Variants in PLCE1 observed in about 807,000 individuals in gnomAD.
PLCE1 encodes the protein phospholipase C epsilon 1.
A neutral mutation model predicts 242.8 loss-of-function variants in PLCE1; 119 were observed. The observed-to-expected ratio is 0.49, with a 90% CI of 0.42 to 0.57. PLCE1 has a LOEUF of 0.57. Among genes scored for constraint, PLCE1 ranks in the 20% least tolerant of loss-of-function variants. The pLI is 0.00. For synonymous variants in PLCE1, 945 were observed against 1,017.4 expected (o/e 0.93, Z 1.35); for missense variants, 2,441 against 2,788.8 (o/e 0.88, Z 2.81).
intron 3 of PLCE1, among the ~76,000 whole-genome samples, chr10:94,141,658 A>AGG (rs66961003): frequency 0.95 from 100,156 of 105,322 alleles, 48,375 homozygotes; most frequent in South Asian, 0.99. Flanking sequence ...GGAAAGAAGA[A>AGG]AGGGAGGGAG....
Position 94,252,416 on chromosome 10 carries a change from A to C in PLCE1, c.3197A>C (p.Lys1066Thr). ...ARNPSPGTSA[K>T]NAEKPNMQRN... is the part of the protein sequence containing the mutation. ...AACCCCAGCCCCGGAACATCAGCAAAGAATGCTGAGAAGCCCAATATGCAG... is the reference window on the plus strand; with the variant it reads ...AACCCCAGCCCCGGAACATCAGCAACGAATGCTGAGAAGCCCAATATGCAG... The change falls in exon 9 of 33, where the codon AAG becomes ACG. Residue 1066 changes from lysine to threonine, a missense_variant. By Grantham distance (78) the Lys-to-Thr change is moderately conservative (BLOSUM62 -1). Around this residue, in one of 5 missense-constraint regions of PLCE1, gnomAD observed 1,004 missense variants for 1,322.7 expected, o/e 0.76. Coordinates refer to ENST00000371380, the MANE Select transcript of PLCE1 (RefSeq NM_016341.4). The C allele has an allele frequency of 6.2e-7, 1 of 1,613,932 alleles. No individual in the cohort carries two copies. The highest frequency in any genetic ancestry group is 8.5e-7 in the Non-Finnish European group (1 of 1,179,810).
At chr10:94,153,391 C>T (rs1219323859) in intron 3 of PLCE1, among the ~76,000 whole-genome samples, 1 of 151,962 alleles carries the variant, frequency 6.6e-6, no homozygotes, top group African/African-American at 2.4e-5. Context: ...AAAAAACACT[C>T]AACAAAATAG....
chr10:94,189,217 C>T (rs962581177), intron 4 of PLCE1, among the ~76,000 whole-genome samples: 1 of 149,270 alleles, frequency 6.7e-6, no homozygotes, highest in South Asian at 2.1e-4. Flanking sequence ...CCAAAACACA[C>T]CACTCTTGAA....
rs554274423 is a variant in PLCE1 at position 93,994,670 on chromosome 10, G to T, written c.-365+412G>T. 5.4e-4 allele frequency among the ~76,000 whole-genome samples: 82 copies of T among 152,318 alleles called. No homozygotes were observed. The Middle Eastern group carries it at 0.017, about 32-fold the overall frequency. ...AAAATACAATATTGGACCAGGTCCC[G>T]CTCTAACTGATAACTAGAATAGCTA... On this transcript the variant is annotated intron_variant, in intron 1 of 32. Coordinates refer to ENST00000371380, the MANE Select transcript of PLCE1 (RefSeq NM_016341.4).
chr10:94,043,202 AACAG>A (rs1056266244), intron 2 of PLCE1, among the ~76,000 whole-genome samples: 1 of 152,148 alleles, frequency 6.6e-6, no homozygotes, highest in Non-Finnish European at 1.5e-5. Flanking sequence ...CTGGAGGAAA[AACAG>A]ACACAAAACT....
chr10:94,244,651 G>A (rs1029349128), intron 7 of PLCE1, among the ~76,000 whole-genome samples: 3 of 152,160 alleles, frequency 2.0e-5, no homozygotes, highest in Non-Finnish European at 4.4e-5. Flanking sequence ...GAACTGTTAT[G>A]CTTTTCTGGC....
intron 28 of PLCE1, among the ~76,000 whole-genome samples, chr10:94,314,584 ACT>A (rs58361235): frequency 0.034 from 5,095 of 152,072 alleles, 280 homozygotes; most frequent in African/African-American, 0.11. Context: ...ACAGAGTGAG[ACT>A]CTGTCTCAAA....
chr10:94,235,627 G>T, intron 6 of PLCE1: 1 of 524,240 alleles, frequency 1.9e-6, no homozygotes, highest in Non-Finnish European at 2.4e-6. Context: ...TCTGCAAATT[G>T]GCTAATCTTC....
chr10:94,118,868 A>C (rs543357294), intron 2 of PLCE1, among the ~76,000 whole-genome samples: 1 of 152,304 alleles, frequency 6.6e-6, no homozygotes, highest in South Asian at 2.1e-4. Flanking sequence ...ACTCATCCTC[A>C]TGAACTTGAG....
intron 20 of PLCE1, among the ~76,000 whole-genome samples, chr10:94,281,441 G>T (rs1446753653): frequency 6.6e-6 from 1 of 152,294 alleles, no homozygotes; most frequent in South Asian, 2.1e-4. Flanking sequence ...AAATGAACAG[G>T]TGGGAGAAGG....
At chr10:94,123,092 G>C (rs1449633785) in intron 2 of PLCE1, among the ~76,000 whole-genome samples, 1 of 152,194 alleles carries the variant, frequency 6.6e-6, no homozygotes, top group Non-Finnish European at 1.5e-5. Context: ...AGTGATTTCT[G>C]TACTTCACAG....
At chr10:94,195,497 C>T (rs796977152) in intron 4 of PLCE1, among the ~76,000 whole-genome samples, 19 of 151,884 alleles carry the variant, frequency 1.3e-4, no homozygotes, top group African/African-American at 4.6e-4. Flanking sequence ...GAATTAGGGG[C>T]TCCTTTTTTT....
chr10:94,065,891 G>C (rs926900719), intron 2 of PLCE1, among the ~76,000 whole-genome samples: 6 of 152,144 alleles, frequency 3.9e-5, no homozygotes, highest in Non-Finnish European at 7.3e-5. Flanking sequence ...TCTGCTTGGG[G>C]AAGACTTTCT....
At chr10:94,030,102 A>G (rs560141612) in intron 1 of PLCE1, among the ~76,000 whole-genome samples, 1 of 152,208 alleles carries the variant, frequency 6.6e-6, no homozygotes, top group Admixed American at 6.5e-5. Flanking sequence ...TGAAGTTGAC[A>G]GTAGTTTTTC....
At chr10:94,247,648 G>A (rs931328502) in intron 8 of PLCE1, among the ~76,000 whole-genome samples, 1 of 152,148 alleles carries the variant, frequency 6.6e-6, no homozygotes, top group Admixed American at 6.5e-5. Context: ...CCAAATGTGG[G>A]ATAATTCTTA....
chr10:94,112,366 A>G (rs1017175782), intron 2 of PLCE1, among the ~76,000 whole-genome samples: 4 of 152,228 alleles, frequency 2.6e-5, no homozygotes, highest in African/African-American at 9.6e-5. Flanking sequence ...GCAATTTTAT[A>G]TGGCTCAGTG....
At chr10:94,301,806 ACCG>A (rs2053048564) in intron 24 of PLCE1, among the ~76,000 whole-genome samples, 1 of 152,208 alleles carries the variant, frequency 6.6e-6, no homozygotes, top group South Asian at 2.1e-4. Context: ...GCAGAACAAT[ACCG>A]CCTCACACCC....
chr10:94,322,377 C>T (rs2053844202), intron 30 of PLCE1, among the ~76,000 whole-genome samples: 1 of 151,894 alleles, frequency 6.6e-6, no homozygotes, highest in Non-Finnish European at 1.5e-5. Context: ...AACAACCAAC[C>T]CAGTGGCTCA....
rs183447270 is a variant in PLCE1 at position 94,290,138 on chromosome 10, C to A, written c.5036-3370C>A. Among the ~76,000 whole-genome samples, 382 of 152,032 alleles carry A rather than the reference C, an allele frequency of 2.5e-3. 2 individuals carry two copies. The highest frequency in any genetic ancestry group is 0.023 in the South Asian group (109 of 4,808). On this transcript the variant is annotated intron_variant, in intron 22 of 32. Transcript: ENST00000371380. Reference sequence around the variant, plus strand: ...AACTCCCAGGCTCAAGTGATCCTCCCACCCTAGTCTTCTGAGTGGCTAGGA... The same window carrying A: ...AACTCCCAGGCTCAAGTGATCCTCCAACCCTAGTCTTCTGAGTGGCTAGGA...
Sources: gnomAD v4.1 joint callset for allele counts (sites outside exome capture counted in the v4.1 genomes callset) on GRCh38, gnomAD v4.1.1 for gene constraint, gnomAD v4.1.1 regional missense constraint, MANE v1.5 for transcripts, NCBI Gene and HGNC (gene_info 2026-07-23, HGNC 2026-07-21) for gene names.